The following C10orf88 variants were observed in gnomAD, a reference collection of about 807,000 sequenced individuals.
C10orf88 encodes ATPase PAAT.
Under a neutral mutation model 34.2 loss-of-function variants are expected in C10orf88, and 29 were observed. The ratio of observed to expected loss-of-function variants is 0.85; its 90% confidence interval spans 0.63 to 1.16. C10orf88 has a LOEUF of 1.16. Among genes scored for constraint, C10orf88 ranks in the 50% most tolerant of loss-of-function variants. The pLI, the probability that C10orf88 is intolerant of heterozygous loss-of-function variation, is 0.00. For missense variants in C10orf88, 507 were observed against 533.2 expected, an observed-to-expected ratio of 0.95 and a Z score of 0.48; for synonymous variants, 194 against 197.4, an observed-to-expected ratio of 0.98 and a Z score of 0.15.
At chr10:122,935,053 T>C (rs914495868) in intron 5 of C10orf88, among the ~76,000 whole-genome samples, 1 of 152,110 alleles carries the variant, frequency 6.6e-6, no homozygotes, top group Admixed American at 6.5e-5. Flanking sequence ...GAGTTCTTTA[T>C]GTACTTCAGA....
intron 3 of C10orf88, among the ~76,000 whole-genome samples, chr10:122,950,136 C>T (rs866024876): frequency 2.0e-5 from 3 of 152,176 alleles, no homozygotes; most frequent in African/African-American, 4.8e-5. Flanking sequence ...GTTTAACTTA[C>T]GACTCTGGTA....
chr10:122,953,826 C>A (rs933245840), intron 1 of C10orf88, among the ~76,000 whole-genome samples, 189 bp downstream of exon 1: 2 of 151,918 alleles, frequency 1.3e-5, no homozygotes, highest in African/African-American at 4.8e-5. Context: ...AGCCTCGGCC[C>A]CTTCCCGGCC....
At chr10:122,945,380 A>AT (rs2133333942) in intron 4 of C10orf88, among the ~76,000 whole-genome samples, 1 of 152,334 alleles carries the variant, frequency 6.6e-6, no homozygotes, top group African/African-American at 2.4e-5. Context: ...ACTATACCAT[A>AT]TTTTTAGTCT....
At chr10:122,933,507 TG>T (rs913492743) in intron 5 of C10orf88, 1 of 152,126 alleles carries the variant, frequency 6.6e-6, no homozygotes, top group Non-Finnish European at 1.5e-5. Flanking sequence ...CACAGAACCT[TG>T]GGGTCTCCAT....
In C10orf88 at chr10:122,947,217, G is replaced by A. The variant is rs1340423600; in HGVS notation, c.648+1432C>T. 4.6e-5 allele frequency among the ~76,000 whole-genome samples: 7 copies of A among 152,110 alleles called. No individual in the cohort carries two copies. In the South Asian group the frequency reaches 1.2e-3, roughly 27 times the overall value. On this transcript the variant is annotated intron_variant, in intron 4 of 5. Transcript: ENST00000481909. ...CTTTTTTGAAATTCTTCTTTCTGTG[G>A]TTTCCATAATCTTCAGCTCTCCTGG...
intron 4 of C10orf88, 46 bp from the exon 5 acceptor site, chr10:122,938,205 GC>G: frequency 1.4e-6 from 2 of 1,456,396 alleles, no homozygotes; most frequent in African/African-American, 2.8e-5. Flanking sequence ...AACACTGACA[GC>G]TAACTTTTGG....
At chr10:122,948,136 A>G (rs1407641775) in intron 4 of C10orf88, among the ~76,000 whole-genome samples, 1 of 152,196 alleles carries the variant, frequency 6.6e-6, no homozygotes, top group Non-Finnish European at 1.5e-5. Flanking sequence ...GCTTCAGAGA[A>G]ATGAACTACC....
chr10:122,939,712 G>A (rs1440231495), intron 4 of C10orf88, among the ~76,000 whole-genome samples: 1 of 151,856 alleles, frequency 6.6e-6, no homozygotes, highest in Non-Finnish European at 1.5e-5. Flanking sequence ...GTCATAACAG[G>A]AAAGCCCATT....
In C10orf88 at chr10:122,952,836, C is replaced by A. The variant is rs1848703556; in HGVS notation, c.361G>T (p.Asp121Tyr). 2 of 1,613,994 alleles carry A rather than the reference C, an allele frequency of 1.2e-6. No individual in the cohort carries two copies. Among genetic ancestry groups the A allele is most frequent in the Admixed American group, 3.3e-5 (2 of 60,004 alleles). ...SRGKNVCTVL[D>Y]DSEHEKIILY... ...CGTGTACAAGTCACACACCTGTCAT[C>A]CAGGACAGTACAAACATTCTTGCCC... Residue 121 changes from aspartate (D) to tyrosine (Y), a missense_variant, in exon 2 of 6, where the codon GAT (aspartate) becomes TAT (tyrosine). By Grantham distance (160) the Asp-to-Tyr change is radical (BLOSUM62 -3). Coordinates refer to ENST00000481909, the MANE Select transcript of C10orf88 (RefSeq NM_024942.4).
chr10:122,953,375 C>T (rs1848711481), intron 1 of C10orf88, among the ~76,000 whole-genome samples: 1 of 152,214 alleles, frequency 6.6e-6, no homozygotes, highest in Admixed American at 6.5e-5. Context: ...CCGTGCCCGG[C>T]CGGGGCTTCT....
intron 4 of C10orf88, among the ~76,000 whole-genome samples, chr10:122,943,875 G>A (rs1179008169): frequency 3.9e-5 from 6 of 152,264 alleles, no homozygotes; most frequent in South Asian, 2.1e-4. Flanking sequence ...TCAGGAAACA[G>A]CAGGTGCTGG....
chr10:122,944,190 C>T (rs1379045644), intron 4 of C10orf88, among the ~76,000 whole-genome samples: 1 of 151,830 alleles, frequency 6.6e-6, no homozygotes, highest in African/African-American at 2.4e-5. Flanking sequence ...GAATACTATG[C>T]AGCCATAAAA....
Position 122,938,024 on chromosome 10 carries a change from C to T in C10orf88, c.784G>A (p.Gly262Arg). Reference sequence around the variant, plus strand: ...TCAGTCACGTTCCCAGATGTCAATCCAGTTCTAAAAGGAAAAGGTGTGGAG... The same window carrying T: ...TCAGTCACGTTCCCAGATGTCAATCTAGTTCTAAAAGGAAAAGGTGTGGAG... ...SSSTPFPFRTGLTSGNVTENL... is the reference protein window; with the variant it reads ...SSSTPFPFRTRLTSGNVTENL... The change falls in exon 5 of 6, where the codon GGA becomes AGA. Residue 262 changes from glycine to arginine, a missense_variant. Transcript: ENST00000481909. 2 of 1,613,282 alleles carry T rather than the reference C, an allele frequency of 1.2e-6. No homozygotes were observed. The highest frequency in any genetic ancestry group is 1.7e-6 in the Non-Finnish European group (2 of 1,179,496).
Position 122,954,051 on chromosome 10 carries a change from A to C in C10orf88, c.128T>G (p.Phe43Cys). The C allele has an allele frequency of 6.5e-7, 1 of 1,538,768 alleles. No homozygotes were observed. Among genetic ancestry groups the C allele is most frequent in the Non-Finnish European group, 8.7e-7 (1 of 1,145,442 alleles). ...LTRAGLGPGD[F>C]DWEELLAPPA... ...CGGTGCCAGCAGCTCCTCCCAGTCG[A>C]AGTCACCGGGGCCGAGACCGGCCCG... The change falls in exon 1 of 6, where the codon TTC becomes TGC. Residue 43 changes from phenylalanine to cysteine, a missense_variant. Transcript: ENST00000481909.
Position 122,954,099 on chromosome 10 carries a change from A to C in C10orf88, c.80T>G (p.Leu27Arg), listed in dbSNP as rs1848725308. The C allele has an allele frequency of 1.3e-6, 2 of 1,580,406 alleles. No homozygotes were observed. Among genetic ancestry groups the C allele is most frequent in the Non-Finnish European group, 1.7e-6 (2 of 1,166,918 alleles). The change falls in exon 1 of 6, where the codon CTG becomes CGG. Residue 27 changes from leucine to arginine, a missense_variant. By Grantham distance (102) the Leu-to-Arg change is moderately radical. Coordinates refer to ENST00000481909, the MANE Select transcript of C10orf88 (RefSeq NM_024942.4). ...CCGGGTGAGGAGGAGGCTGTGGGTCAGGGCCCCGCCTGCAACATCCCAAGA... is the reference window on the plus strand; with the variant it reads ...CCGGGTGAGGAGGAGGCTGTGGGTCCGGGCCCCGCCTGCAACATCCCAAGA... The part of the protein sequence containing the change: ...ASSWDVAGGA[L>R]THSLLLTRAG...
intron 5 of C10orf88, chr10:122,933,349 G>C (rs1564719172): frequency 6.6e-6 from 1 of 152,248 alleles, no homozygotes; most frequent in Non-Finnish European, 1.5e-5. Context: ...TGGGTATGGT[G>C]GTGGGCGCCT....
At chr10:122,953,466 A>G (rs568283893) in intron 1 of C10orf88, among the ~76,000 whole-genome samples, 183 of 152,300 alleles carry the variant, frequency 1.2e-3, no homozygotes, top group African/African-American at 4.3e-3. Context: ...CAGAATTCAT[A>G]CGGAAATGAA....
chr10:122,943,595 G>A (rs1245291623), intron 4 of C10orf88, among the ~76,000 whole-genome samples: 7 of 151,902 alleles, frequency 4.6e-5, no homozygotes, highest in African/African-American at 1.5e-4. Context: ...GCAACCTACA[G>A]AATGGGAGAA....
intron 4 of C10orf88, among the ~76,000 whole-genome samples, chr10:122,943,756 C>T (rs929540455): frequency 1.0e-3 from 154 of 152,126 alleles, no homozygotes; most frequent in African/African-American, 3.5e-3. Context: ...TTTATGCAGC[C>T]AAAAAACACA....
Sources: allele counts gnomAD v4.1 joint callset (sites outside exome capture counted in the v4.1 genomes callset), GRCh38; gene constraint gnomAD v4.1.1; transcripts MANE v1.5; gene names NCBI Gene and HGNC (gene_info 2026-07-23, HGNC 2026-07-21).